Variants in CDKL4 observed in about 807,000 individuals in gnomAD.
CDKL4 encodes cyclin dependent kinase like 4, also known as cyclin-dependent kinase-like 4.
Under a neutral mutation model 42.0 loss-of-function variants are expected in CDKL4, and 44 were observed. That is an observed-to-expected ratio of 1.05 (90% confidence interval 0.82 to 1.35). The LOEUF is 1.35. CDKL4 is among the 40% of genes most tolerant of loss of function. CDKL4 has a pLI of 0.00. For missense variants in CDKL4, 393 were observed against 369.9 expected, an observed-to-expected ratio of 1.06 and a Z score of -0.51; for synonymous variants, 120 against 121.6, an observed-to-expected ratio of 0.99 and a Z score of 0.09.
chr2:39,228,220 G>A (rs1276818870), intron 2 of CDKL4, among the ~76,000 whole-genome samples: 1 of 152,186 alleles, frequency 6.6e-6, no homozygotes, highest in East Asian at 1.9e-4. Context: ...GCTTGGTTCA[G>A]ACCCGCCCTG....
intron 4 of CDKL4, among the ~76,000 whole-genome samples, chr2:39,206,030 A>G (rs2148337153): frequency 6.8e-6 from 1 of 146,520 alleles, no homozygotes; most frequent in African/African-American, 2.5e-5. Context: ...AGGCACGCTG[A>G]CCTCAAAGCA....
At chr2:39,184,611 C>G (rs535538141) in exon 8 of CDKL4, 1 of 1,611,822 alleles carries the variant, frequency 6.2e-7, no homozygotes, top group East Asian at 2.2e-5. Flanking sequence ...TTCAGAGCCA[C>G]AGGATGAACA....
intron 1 of CDKL4, among the ~76,000 whole-genome samples, chr2:39,239,848 G>T (rs1176339700): frequency 6.6e-6 from 1 of 152,164 alleles, no homozygotes; most frequent in Admixed American, 6.5e-5. Flanking sequence ...CCAACACTTT[G>T]GGAGGCTGAG....
intron 6 of CDKL4, among the ~76,000 whole-genome samples, chr2:39,188,510 C>G (rs1301236838): frequency 8.1e-6 from 1 of 123,614 alleles, no homozygotes; most frequent in African/African-American, 3.2e-5. Flanking sequence ...TGCAGTGAGC[C>G]AAGATCACAC....
In CDKL4 at chr2:39,225,829, G is replaced by C. The variant is rs932519916; in HGVS notation, c.290+10C>G. ...TGGCTGTACAGAATTTCAGTTTCCA[G>C]ATTACTTACCCATTTGGGTTTCTTT... On this transcript the variant is annotated intron_variant, in intron 3 of 9. Coordinates refer to ENST00000451199, the Ensembl canonical transcript of CDKL4. 5 of 1,591,904 alleles carry C rather than the reference G, an allele frequency of 3.1e-6. No individual in the cohort carries two copies. In the Admixed American group the frequency reaches 8.9e-5, roughly 28 times the overall value.
chr2:39,186,408 T>C (rs1265664010), intron 7 of CDKL4, among the ~76,000 whole-genome samples: 2 of 152,200 alleles, frequency 1.3e-5, no homozygotes, highest in African/African-American at 4.8e-5. Flanking sequence ...GACTCCAGCA[T>C]AGTTGGAGTG....
At chr2:39,225,907 C>T (rs145051446) in exon 3 of CDKL4, 80 of 1,611,344 alleles carry the variant, frequency 5.0e-5, no homozygotes, top group Non-Finnish European at 6.0e-5. Flanking sequence ...AATGCATTTT[C>T]CTTTTTCTCC....
chr2:39,244,014 C>A (rs1438544050), upstream of CDKL4, among the ~76,000 whole-genome samples: 1 of 152,218 alleles, frequency 6.6e-6, no homozygotes, highest in Non-Finnish European at 1.5e-5. Flanking sequence ...CCCGGGCAAC[C>A]GGAACGCTAG....
intron 1 of CDKL4, among the ~76,000 whole-genome samples, chr2:39,234,294 A>T (rs1324424713): frequency 1.3e-5 from 2 of 152,178 alleles, no homozygotes; most frequent in Non-Finnish European, 2.9e-5. Context: ...TGAACTCAGA[A>T]AAGAATAATC....
intron 4 of CDKL4, among the ~76,000 whole-genome samples, chr2:39,207,400 T>G (rs1163272595): frequency 6.6e-6 from 1 of 152,138 alleles, no homozygotes; most frequent in African/African-American, 2.4e-5. Flanking sequence ...AAAAAATTTT[T>G]TTTTGGAATA....
chr2:39,239,062 T>C (rs1679514848), intron 1 of CDKL4, among the ~76,000 whole-genome samples: 1 of 152,208 alleles, frequency 6.6e-6, no homozygotes, highest in Non-Finnish European at 1.5e-5. Flanking sequence ...CAACTGACTT[T>C]TGACAAAGTT....
intron 5 of CDKL4, among the ~76,000 whole-genome samples, chr2:39,192,933 C>T (rs1457632300): frequency 6.6e-6 from 1 of 151,806 alleles, no homozygotes; most frequent in East Asian, 1.9e-4. Context: ...TGAGGCCAGC[C>T]TGGGCAACAT....
intron 4 of CDKL4, among the ~76,000 whole-genome samples, chr2:39,209,152 T>TAAAAAAA (rs1558566471): frequency 6.7e-6 from 1 of 148,262 alleles, no homozygotes; most frequent in African/African-American, 2.5e-5. Context: ...AAAAAAAAAT[T>TAAAAAAA]TTTTTTTTAA....
intron 5 of CDKL4, among the ~76,000 whole-genome samples, chr2:39,193,026 G>A (rs1359981994): frequency 6.6e-6 from 1 of 151,742 alleles, no homozygotes; most frequent in Non-Finnish European, 1.5e-5. Flanking sequence ...TACATGGGAG[G>A]GTGAGGCAGG....
At position 39,234,418 on chromosome 2, in the gene CDKL4, G is replaced by A. The variant is rs530120723; in HGVS notation, c.-56-4830C>T. On this transcript the variant is annotated intron_variant, in intron 1 of 9. Transcript: ENST00000451199. Reference sequence around the variant, plus strand: ...AAGAAAGGCAGAACAGTAATTATGAGAATTAAAATGAAGAAAAAAAGGTAA... The same window carrying A: ...AAGAAAGGCAGAACAGTAATTATGAAAATTAAAATGAAGAAAAAAAGGTAA... 1.2e-4 allele frequency among the ~76,000 whole-genome samples: 19 copies of A among 152,044 alleles called. 2 individuals carry two copies. The East Asian group carries it at 3.5e-3, about 28-fold the overall frequency.
At chr2:39,238,527 C>T (rs767322476) in intron 1 of CDKL4, among the ~76,000 whole-genome samples, 13 of 152,092 alleles carry the variant, frequency 8.5e-5, no homozygotes, top group African/African-American at 2.4e-4. Context: ...AAGATTTATA[C>T]GGAAATGCAT....
intron 2 of CDKL4, among the ~76,000 whole-genome samples, chr2:39,227,889 C>T (rs146526481): frequency 1.3e-5 from 2 of 152,266 alleles, no homozygotes; most frequent in African/African-American, 4.8e-5. Flanking sequence ...TAAAGAAAAA[C>T]AGGTGGTAAG....
At chr2:39,192,510 G>A (rs1451744311) in intron 5 of CDKL4, among the ~76,000 whole-genome samples, 2 of 149,870 alleles carry the variant, frequency 1.3e-5, no homozygotes, top group African/African-American at 4.9e-5. Context: ...ATAGGGGCTT[G>A]AAACCATGCC....
upstream of CDKL4, among the ~76,000 whole-genome samples, chr2:39,246,635 C>A (rs1011833981): frequency 3.3e-5 from 5 of 152,204 alleles, no homozygotes; most frequent in African/African-American, 1.2e-4. Context: ...TTGGTCTAGG[C>A]TACAGGTTCC....
Sources: gnomAD v4.1 joint callset for allele counts (sites outside exome capture counted in the v4.1 genomes callset) on GRCh38, gnomAD v4.1.1 for gene constraint, MANE v1.5 for transcripts, NCBI Gene and HGNC (gene_info 2026-07-23, HGNC 2026-07-21) for gene names.